The following EPB41L4B variants were observed in gnomAD, a reference collection of about 807,000 sequenced individuals.
EPB41L4B encodes the protein erythrocyte membrane protein band 4.1 like 4B, also known as band 4.1-like protein 4B.
Under a neutral mutation model 112.5 loss-of-function variants are expected in EPB41L4B, and 30 were observed. The observed-to-expected ratio is 0.27, with a 90% confidence interval of 0.20 to 0.36. The LOEUF is 0.36. EPB41L4B is among the 10% of genes least tolerant of loss of function. The pLI, the probability that EPB41L4B is intolerant of heterozygous loss-of-function variation, is 1.00. For missense variants in EPB41L4B, 1,024 were observed against 1,133.3 expected (o/e 0.90, Z 1.38); for synonymous variants, 408 against 439.7 (o/e 0.93, Z 0.90).
intron 1 of EPB41L4B, among the ~76,000 whole-genome samples, chr9:109,314,602 C>T (rs188767942): frequency 3.9e-4 from 58 of 150,614 alleles, no homozygotes; most frequent in African/African-American, 1.4e-3. Flanking sequence ...CACGACACCC[C>T]CTTTGGGAAG....
chr9:109,243,009 A>T (rs1353511480), intron 15 of EPB41L4B, among the ~76,000 whole-genome samples: 1 of 152,040 alleles, frequency 6.6e-6, no homozygotes, highest in Non-Finnish European at 1.5e-5. Flanking sequence ...GTTTCATTGA[A>T]GCACAGCCAT....
chr9:109,215,920 T>A (rs558407294), intron 16 of EPB41L4B, among the ~76,000 whole-genome samples: 1 of 151,164 alleles, frequency 6.6e-6, no homozygotes, highest in Admixed American at 6.6e-5. Context: ...AGCCCAAGAG[T>A]TCAAGACCAT....
intron 9 of EPB41L4B, 141 bp downstream of exon 9, chr9:109,255,995 G>T: frequency 2.6e-6 from 3 of 1,146,200 alleles, no homozygotes; most frequent in Non-Finnish European, 3.7e-6. Flanking sequence ...CAGCGCAACT[G>T]CCACAGACCC....
chr9:109,319,504 A>C (rs1381202913), intron 1 of EPB41L4B, among the ~76,000 whole-genome samples: 1 of 152,132 alleles, frequency 6.6e-6, no homozygotes, highest in Non-Finnish European at 1.5e-5. Flanking sequence ...CTCCCAAGTC[A>C]CCCTACCCGC....
chr9:109,175,469 A>G (rs1048227157), intron 25 of EPB41L4B, among the ~76,000 whole-genome samples: 1 of 11,668 alleles, frequency 8.6e-5, no homozygotes, highest in African/African-American at 3.4e-4. Flanking sequence ...CACTGTTTAA[A>G]CACACACACA....
chr9:109,268,935 A>G (rs1269262536), intron 2 of EPB41L4B, among the ~76,000 whole-genome samples: 2 of 151,450 alleles, frequency 1.3e-5, no homozygotes, highest in African/African-American at 2.4e-5. Context: ...TTATGCATAT[A>G]TGTGCATTTT....
intron 1 of EPB41L4B, among the ~76,000 whole-genome samples, chr9:109,316,603 C>G (rs1400742020): frequency 6.6e-6 from 1 of 152,138 alleles, no homozygotes; most frequent in African/African-American, 2.4e-5. Flanking sequence ...GAGGTGCTGT[C>G]GAAGGCAGGG....
chr9:109,204,506 T>C (rs1004981594), intron 18 of EPB41L4B, among the ~76,000 whole-genome samples: 2 of 152,214 alleles, frequency 1.3e-5, no homozygotes, highest in Non-Finnish European at 2.9e-5. Flanking sequence ...ATTTCTTTAT[T>C]TCTTGAGAGA....
chr9:109,198,895 G>A (rs1832730545), intron 20 of EPB41L4B, among the ~76,000 whole-genome samples: 1 of 145,100 alleles, frequency 6.9e-6, no homozygotes, highest in African/African-American at 2.6e-5. Flanking sequence ...GGGTGACAGA[G>A]TGACAGAGTG....
intron 15 of EPB41L4B, among the ~76,000 whole-genome samples, chr9:109,243,215 A>C (rs1834416206): frequency 1.1e-5 from 1 of 91,124 alleles, no homozygotes; most frequent in African/African-American, 3.8e-5. Context: ...ACCCCCGCAA[A>C]AAAAAAAAAA....
intron 15 of EPB41L4B, among the ~76,000 whole-genome samples, chr9:109,228,251 T>A (rs149338578): frequency 1.7e-4 from 26 of 152,356 alleles, no homozygotes; most frequent in African/African-American, 2.4e-4. Context: ...TGACTTATTC[T>A]CAGCAAATCT....
intron 14 of EPB41L4B, among the ~76,000 whole-genome samples, chr9:109,244,691 A>G (rs1248761144): frequency 6.6e-6 from 1 of 152,148 alleles, no homozygotes; most frequent in African/African-American, 2.4e-5. Flanking sequence ...CCGGCTAGGT[A>G]GCAGCCTGCC....
chr9:109,187,953 C>T (rs1376971690), intron 22 of EPB41L4B, among the ~76,000 whole-genome samples: 2 of 152,138 alleles, frequency 1.3e-5, no homozygotes, highest in Admixed American at 6.6e-5. Flanking sequence ...ACTGTTGTTA[C>T]GTGAGAAGGA....
intron 24 of EPB41L4B, among the ~76,000 whole-genome samples, chr9:109,177,049 C>T (rs773969119): frequency 2.0e-4 from 31 of 152,124 alleles, no homozygotes; most frequent in African/African-American, 6.5e-4. Context: ...ATTCTGATAT[C>T]GGGAAATGTT....
chr9:109,176,814 C>A, intron 24 of EPB41L4B, 118 bp from the exon 25 acceptor site: 3 of 1,163,442 alleles, frequency 2.6e-6, no homozygotes, highest in Middle Eastern at 2.0e-4. Context: ...CAGCTAAAAT[C>A]GATTGTCATT....
chr9:109,212,513 C>T (rs1588140291), intron 17 of EPB41L4B, among the ~76,000 whole-genome samples: 1 of 152,154 alleles, frequency 6.6e-6, no homozygotes, highest in East Asian at 1.9e-4. Flanking sequence ...GTTAAACCTG[C>T]AGTTGGGGTC....
chr9:109,309,491 T>G (rs1837335128), intron 1 of EPB41L4B, among the ~76,000 whole-genome samples: 1 of 152,088 alleles, frequency 6.6e-6, no homozygotes, highest in Non-Finnish European at 1.5e-5. Context: ...CGGGAGACAA[T>G]CTCATGGAGT....
intron 16 of EPB41L4B, among the ~76,000 whole-genome samples, chr9:109,214,685 T>A (rs1354683979): frequency 2.0e-5 from 3 of 152,042 alleles, no homozygotes; most frequent in Non-Finnish European, 4.4e-5. Flanking sequence ...GTAGAGTATT[T>A]TGTAAGAAGA....
At position 109,267,469 on chromosome 9, in the gene EPB41L4B, C is replaced by T. The variant is rs1310294723; in HGVS notation, c.533+4G>A. The T allele has an allele frequency of 6.2e-7, 1 of 1,607,132 alleles. No homozygotes were observed. The highest frequency in any genetic ancestry group is 1.1e-5 in the South Asian group (1 of 90,768). ...GCGGGAGCTTGTTCTGCATCGTGGC[C>T]TACCTTGTAAACTCCTCACGAAGGT... On this transcript the variant is annotated splice_donor_region_variant and intron_variant, in intron 4 of 25. Transcript: ENST00000374566.
Sources: allele counts gnomAD v4.1 joint callset (sites outside exome capture counted in the v4.1 genomes callset), GRCh38; gene constraint gnomAD v4.1.1; transcripts MANE v1.5; gene names NCBI Gene and HGNC (gene_info 2026-07-23, HGNC 2026-07-21).